Variants in LETM1 observed in about 807,000 individuals in gnomAD.
The protein encoded by LETM1 is mitochondrial proton/calcium exchanger protein.
Under a neutral mutation model 74.5 loss-of-function variants are expected in LETM1, and 50 were observed. That is an observed-to-expected ratio of 0.67 (90% CI 0.53 to 0.85). LETM1 has a LOEUF of 0.85. Among genes scored for constraint, LETM1 ranks in the 40% least tolerant of loss-of-function variants. LETM1 has a pLI of 0.00. For synonymous variants in LETM1, 446 were observed against 407.1 expected (o/e 1.10, Z -1.15); for missense variants, 824 against 967.8 (o/e 0.85, Z 1.97).
chr4:1,825,447 C>G (rs950479847), intron 7 of LETM1, 117 bp downstream of exon 7: 1 of 1,295,048 alleles, frequency 7.7e-7, no homozygotes, highest in Non-Finnish European at 1.1e-6. Flanking sequence ...CCAGAGAGGT[C>G]ACAGTGTCGC....
chr4:1,823,887 G>A (rs930673549), intron 7 of LETM1, 112 bp from the exon 8 acceptor site: 78 of 1,206,138 alleles, frequency 6.5e-5, no homozygotes, highest in Non-Finnish European at 8.0e-5. Flanking sequence ...AGTGTCTCAA[G>A]TTCTACAAGG....
At position 1,816,826 on chromosome 4, in the gene LETM1, C is replaced by A; in HGVS notation, c.1832G>T (p.Arg611Met). 6.2e-7 allele frequency: 1 copy of A among 1,614,216 alleles called. No individual in the cohort carries two copies. Among genetic ancestry groups the A allele is most frequent in the Non-Finnish European group, 8.5e-7 (1 of 1,180,016 alleles). The change falls in exon 12 of 14, where the codon AGG (arginine) becomes ATG (methionine). Residue 611 changes from arginine to methionine, a missense_variant. Coordinates refer to ENST00000302787, the MANE Select transcript of LETM1 (RefSeq NM_012318.3). ...ESKASKRLTK[R>M]VQQMIGQIDG... ...GATCTGCCCGATCATTTGCTGCACC[C>A]TTTTTGTCAATCTCTTGCTGGCTTT...
chr4:1,823,278 C>A, intron 8 of LETM1, 147 bp from the exon 9 acceptor site: 1 of 1,139,580 alleles, frequency 8.8e-7, no homozygotes, highest in Non-Finnish European at 1.2e-6. Context: ...CGAGGTGCTG[C>A]CCGCAATTGC....
At chr4:1,821,693 GC>G in intron 10 of LETM1, among the ~76,000 whole-genome samples, 1 of 152,250 alleles carries the variant, frequency 6.6e-6, no homozygotes. Flanking sequence ...ACCAGGAGGC[GC>G]CCCAGGTAGG....
intron 6 of LETM1, among the ~76,000 whole-genome samples, chr4:1,828,353 CG>C (rs1712095222): frequency 1.2e-5 from 1 of 86,076 alleles, no homozygotes; most frequent in South Asian, 4.4e-4. Flanking sequence ...CCCTCCCGGA[CG>C]GGGCGGCTGG....
At position 1,823,793 on chromosome 4, in the gene LETM1, T is replaced by C. The variant is rs1467757355; in HGVS notation, c.1201-18A>G. 1 of 1,597,826 alleles carries C rather than the reference T, an allele frequency of 6.3e-7. No homozygotes were observed. The highest frequency in any genetic ancestry group is 1.3e-5 in the African/African-American group (1 of 74,766). ...TCCAGCCACTGCAACCAAGGCCAGG[T>C]TCAGCAGATGGGCAGCCCCCCAACC... On this transcript the variant is annotated intron_variant, in intron 7 of 13. Coordinates refer to ENST00000302787, the MANE Select transcript of LETM1 (RefSeq NM_012318.3).
rs955105091 is a variant in LETM1 at position 1,816,635 on chromosome 4, G to A, written c.1931+92C>T. ...AGGCAGAGGCTACAATGTGCCCTTT[G>A]GAGCCAGAAGGGCCCAGCTCGGATC... On this transcript the variant is annotated intron_variant, in intron 12 of 13. Transcript: ENST00000302787. The A allele has an allele frequency of 9.4e-6, 12 of 1,272,968 alleles. No individual in the cohort carries two copies. In the African/African-American group the frequency reaches 1.8e-4, roughly 19 times the overall value. 78.9% of individuals were successfully genotyped at this position (1,272,968 alleles called of 1,614,324 possible).
In LETM1 at chr4:1,834,928, G is replaced by A. The variant is rs1169251915; in HGVS notation, c.793C>T (p.Gln265Ter). ...RVKLELAKFL[Q>*]DTIEEMALKN... ...AAGGCCATCTCCTCGATGGTGTCCT[G>A]GAGGAACTTGGCCAGCTCCAGCTTG... Residue 265 changes from glutamine to a stop codon, truncating the protein, a stop_gained, in exon 5 of 14, where the codon CAG becomes TAG. Coordinates refer to ENST00000302787, the MANE Select transcript of LETM1 (RefSeq NM_012318.3). LOFTEE classifies it high-confidence loss of function. The surrounding 1 kb of genome is among the most constrained non-coding windows in gnomAD (Gnocchi z 5.0). 1.2e-6 allele frequency: 2 copies of A among 1,614,134 alleles called. No homozygotes were observed. The highest frequency in any genetic ancestry group is 1.1e-5 in the South Asian group (1 of 91,082).
chr4:1,821,371 C>T (rs888549208), intron 10 of LETM1, among the ~76,000 whole-genome samples: 7 of 151,478 alleles, frequency 4.6e-5, no homozygotes, highest in Non-Finnish European at 1.0e-4. Context: ...GGATTACAGG[C>T]GTGAGCCACT....
chr4:1,816,106 C>T (rs530907034), intron 12 of LETM1, among the ~76,000 whole-genome samples: 37 of 152,376 alleles, frequency 2.4e-4, no homozygotes, highest in African/African-American at 8.7e-4. Flanking sequence ...AGGCCTGTGG[C>T]CACTTGGCAA....
intron 7 of LETM1, among the ~76,000 whole-genome samples, chr4:1,824,850 A>G (rs548514698): frequency 4.6e-5 from 7 of 152,380 alleles, no homozygotes; most frequent in Admixed American, 2.0e-4. Flanking sequence ...CCGATGGAAG[A>G]CGCGGCTGTG....
intron 1 of LETM1, 78 bp from the exon 2 acceptor site, chr4:1,849,287 T>C: frequency 9.2e-7 from 1 of 1,086,460 alleles, no homozygotes; most frequent in Non-Finnish European, 1.4e-6. Flanking sequence ...TGTTGGTTTT[T>C]GGAGTTTCGC....
Position 1,834,682 on chromosome 4 carries a change from A to C in LETM1, c.876+163T>G. 6.9e-7 allele frequency: 1 copy of C among 1,457,604 alleles called. No homozygotes were observed. The highest frequency in any genetic ancestry group is 9.0e-7 in the Non-Finnish European group (1 of 1,109,536). 90.3% of individuals were successfully genotyped at this position (1,457,604 alleles called of 1,614,324 possible). A position where few individuals can be genotyped will look rare whatever the true frequency, so the allele number is the denominator to read the frequency against. Reference sequence around the variant, plus strand: ...ACTCACTGGGAGCTCGTGGGGGCAGACTCCTGACACTCCACTGGCCCCCGA... The same window carrying C: ...ACTCACTGGGAGCTCGTGGGGGCAGCCTCCTGACACTCCACTGGCCCCCGA... On this transcript the variant is annotated intron_variant, in intron 5 of 13. Transcript: ENST00000302787. The surrounding 1 kb of genome is among the most constrained non-coding windows in gnomAD (Gnocchi z 5.0).
chr4:1,817,465 A>G (rs1255529009), intron 11 of LETM1, among the ~76,000 whole-genome samples: 1 of 147,878 alleles, frequency 6.8e-6, no homozygotes, highest in African/African-American at 2.5e-5. Context: ...GGAGTCTGAG[A>G]CAGGAGGATG....
In LETM1 at chr4:1,841,470, C is replaced by G; in HGVS notation, c.471G>C (p.Val157=). The change falls in exon 3 of 14, where the codon GTG becomes GTC. Residue 157 remains valine (V), a synonymous_variant. Transcript: ENST00000302787. ...GGTAGTAGTGCTTCAGCTCGTCCAG[C>G]ACCCGCTGCCCCAGGGACTTCTTCA... ...VVVKKSLGQR[V]LDELKHYYHG... 6.2e-7 allele frequency: 1 copy of G among 1,614,266 alleles called. No homozygotes were observed. The highest frequency in any genetic ancestry group is 2.2e-5 in the East Asian group (1 of 44,894).
At chr4:1,847,281 C>T (rs1342397958) in intron 2 of LETM1, among the ~76,000 whole-genome samples, 1 of 150,888 alleles carries the variant, frequency 6.6e-6, no homozygotes, top group Admixed American at 6.6e-5. Context: ...ATCAAAGCTG[C>T]AGTGAGCCAT....
chr4:1,851,430 G>A (rs574490156), intron 1 of LETM1, among the ~76,000 whole-genome samples: 1 of 152,240 alleles, frequency 6.6e-6, no homozygotes, highest in African/African-American at 2.4e-5. Flanking sequence ...CTAGTGGACC[G>A]ATACGTCACT....
chr4:1,822,373 C>G, intron 9 of LETM1, 61 bp from the exon 10 acceptor site: 1 of 1,380,196 alleles, frequency 7.2e-7, no homozygotes, highest in Non-Finnish European at 9.5e-7. Flanking sequence ...TCTTCTTGCT[C>G]CCCGAAGCTC....
At chr4:1,849,283 T>G (rs747255673) in intron 1 of LETM1, 74 bp from the exon 2 acceptor site, 5 of 1,132,568 alleles carry the variant, frequency 4.4e-6, no homozygotes, top group Non-Finnish European at 6.6e-6. Flanking sequence ...TTGTTGTTGG[T>G]TTTTGGAGTT....
Sources: allele counts gnomAD v4.1 joint callset (sites outside exome capture counted in the v4.1 genomes callset), GRCh38; gene constraint gnomAD v4.1.1; non-coding constraint Gnocchi (gnomAD v3.1); transcripts MANE v1.5; gene names NCBI Gene and HGNC (gene_info 2026-07-23, HGNC 2026-07-21).